Variants in TVP23A observed in about 807,000 individuals in gnomAD.
TVP23A encodes the protein Golgi apparatus membrane protein TVP23 homolog A.
In TVP23A, 21 loss-of-function variants were observed where a neutral mutation model predicts 31.7. The ratio of observed to expected loss-of-function variants is 0.66; its 90% CI spans 0.47 to 0.95. The LOEUF is 0.95. TVP23A is among the 40% of genes least tolerant of loss of function. The probability of loss-of-function intolerance (pLI) is 0.00; values close to 1 mark genes in which losing one functional copy is unlikely to be tolerated. For missense variants in TVP23A, 279 were observed against 255.6 expected (o/e 1.09, Z -0.62); for synonymous variants, 104 against 96.0 (o/e 1.08, Z -0.49).
At chr16:10,802,469 G>A (rs1253030154) in intron 2 of TVP23A, among the ~76,000 whole-genome samples, 4 of 151,914 alleles carry the variant, frequency 2.6e-5, no homozygotes, top group Admixed American at 1.3e-4. Context: ...TAGTAGAGAC[G>A]GGGTTTTGCC....
At chr16:10,811,876 C>T (rs2034217087) in intron 2 of TVP23A, among the ~76,000 whole-genome samples, 1 of 145,146 alleles carries the variant, frequency 6.9e-6, no homozygotes, top group Admixed American at 6.9e-5. Context: ...TGCACTCCAG[C>T]CTGGGGGACA....
At chr16:10,778,962 A>C (rs1483611660) in intron 2 of TVP23A, among the ~76,000 whole-genome samples, 1 of 152,204 alleles carries the variant, frequency 6.6e-6, no homozygotes, top group Non-Finnish European at 1.5e-5. Flanking sequence ...TCAAAACAAC[A>C]AAACATACAG....
rs1452973630 is a variant in TVP23A at position 10,768,140 on chromosome 16, C to A, written c.*962G>T. 4 of 962,168 alleles carry A rather than the reference C, an allele frequency of 4.2e-6. No homozygotes were observed. In the African/African-American group the frequency reaches 4.9e-5, roughly 12 times the overall value. The allele number at this position is 962,168 out of a possible 1,614,324, so 59.6% of individuals were successfully genotyped here. A position where few individuals can be genotyped will look rare whatever the true frequency, so the allele number is the denominator to read the frequency against. ...TGGGTGGTGGGGTCTGTGATGACCA[C>A]AGAGTGGCCCCCATAGCCGAGGAAG... is the stretch of plus-strand genomic sequence containing the variant. On this transcript the variant is annotated 3_prime_UTR_variant, in exon 8 of 8. Transcript: ENST00000299866. This position sits in a 1 kb window ranked among gnomAD's most constrained non-coding sequence, Gnocchi z 4.3.
downstream of TVP23A, chr16:10,757,858 G>C (rs763063179): frequency 4.4e-6 from 7 of 1,608,566 alleles, no homozygotes; most frequent in South Asian, 6.6e-5. The surrounding 1 kb of genome is among the most constrained non-coding windows in gnomAD (Gnocchi z 4.1). Flanking sequence ...ATCCCCTGTG[G>C]ATTCCTCTTT....
Position 10,780,267 on chromosome 16 carries a change from T to G in TVP23A, c.90-5171A>C, listed in dbSNP as rs186812394. On this transcript the variant is annotated intron_variant, in intron 2 of 7. Transcript: ENST00000299866. Reference sequence around the variant, plus strand: ...TGATTACCCTTATCTTGTCTCCTGCTAAATGATGGAGGTTTGGGGAGTCTC... The same window carrying G: ...TGATTACCCTTATCTTGTCTCCTGCGAAATGATGGAGGTTTGGGGAGTCTC... 4.3e-4 allele frequency among the ~76,000 whole-genome samples: 66 copies of G among 152,318 alleles called. 2 individuals carry two copies. Among genetic ancestry groups the G allele is most frequent in the African/African-American group, 1.5e-3 (61 of 41,560 alleles).
chr16:10,770,605 G>C (rs886974641), intron 6 of TVP23A, among the ~76,000 whole-genome samples: 13 of 151,342 alleles, frequency 8.6e-5, no homozygotes, highest in Middle Eastern at 3.4e-3. Flanking sequence ...GGGCACGGTA[G>C]CTCCCGCCTG....
chr16:10,773,475 A>G, intron 4 of TVP23A, 34 bp from the exon 5 acceptor site: 1 of 1,554,554 alleles, frequency 6.4e-7, no homozygotes, highest in Admixed American at 2.2e-5. Context: ...TGTCAAAACA[A>G]GTGGAAATGG....
At chr16:10,805,077 G>A (rs958672598) in intron 2 of TVP23A, among the ~76,000 whole-genome samples, 4 of 151,882 alleles carry the variant, frequency 2.6e-5, no homozygotes, top group Middle Eastern at 3.4e-3. Flanking sequence ...TCGCTCTGTC[G>A]CCCAGGCTGG....
intron 2 of TVP23A, chr16:10,808,621 A>T: frequency 2.2e-6 from 1 of 448,606 alleles, no homozygotes; most frequent in Admixed American, 2.4e-5. Flanking sequence ...AAAAAATAAA[A>T]ATAAAATTAG....
At chr16:10,793,722 C>T (rs940966056) in intron 2 of TVP23A, among the ~76,000 whole-genome samples, 9 of 151,324 alleles carry the variant, frequency 5.9e-5, no homozygotes, top group African/African-American at 2.2e-4. Flanking sequence ...TAGGGAGACC[C>T]TGTCTCTACA....
At chr16:10,799,598 C>T (rs1464648754) in intron 2 of TVP23A, among the ~76,000 whole-genome samples, 2 of 152,218 alleles carry the variant, frequency 1.3e-5, no homozygotes, top group East Asian at 1.9e-4. Flanking sequence ...CCTCCCAAAA[C>T]GCTGGAATTA....
chr16:10,800,858 G>A lies in TVP23A; in HGVS notation c.89+17245C>T, dbSNP rs181759751. 3.4e-3 allele frequency among the ~76,000 whole-genome samples: 519 copies of A among 152,182 alleles called. 1 individual carries two copies. The highest frequency in any genetic ancestry group is 0.012 in the African/African-American group (487 of 41,518). On this transcript the variant is annotated intron_variant, in intron 2 of 7. Coordinates refer to ENST00000299866, the MANE Select transcript of TVP23A (RefSeq NM_001079512.4). ...TTTAAAAACTTAGCCAGGCATGGTG[G>A]TGCACACCTGTGGTCTCAGCTATTT...
intron 2 of TVP23A, among the ~76,000 whole-genome samples, chr16:10,786,565 C>A (rs535280625): frequency 6.6e-6 from 1 of 152,254 alleles, no homozygotes; most frequent in African/African-American, 2.4e-5. Flanking sequence ...AACCTTCCTG[C>A]TTCTCAGTAT....
rs187525432 is a variant in TVP23A at position 10,802,950 on chromosome 16, T to C, written c.89+15153A>G. Among the ~76,000 whole-genome samples, 544 of 152,308 alleles carry C rather than the reference T, an allele frequency of 3.6e-3. 3 individuals are homozygous for C. The highest frequency in any genetic ancestry group is 0.013 in the African/African-American group (521 of 41,568). The stretch of plus-strand genomic sequence containing the variant: ...ATGGTCAACACATAAACGTTTTTAA[T>C]TGATTTTCAACACTGCTTAAGAAAC... On this transcript the variant is annotated intron_variant, in intron 2 of 7. Transcript: ENST00000299866.
At chr16:10,814,482 C>T (rs2034344279) in intron 2 of TVP23A, among the ~76,000 whole-genome samples, 1 of 152,144 alleles carries the variant, frequency 6.6e-6, no homozygotes, top group Admixed American at 6.6e-5. Flanking sequence ...ACATCTTGAC[C>T]ACCAGCAAGG....
intron 2 of TVP23A, among the ~76,000 whole-genome samples, chr16:10,804,407 A>G (rs2033848315): frequency 6.6e-6 from 1 of 152,094 alleles, no homozygotes; most frequent in Admixed American, 6.6e-5. Context: ...CCCACAGGCA[A>G]CTCCTGGCAA....
At position 10,818,512 on chromosome 16, in the gene TVP23A, C is replaced by A; in HGVS notation, c.-19G>T. The A allele has an allele frequency of 6.2e-7, 1 of 1,602,382 alleles. No homozygotes were observed. Among genetic ancestry groups the A allele is most frequent in the African/African-American group, 1.3e-5 (1 of 74,840 alleles). ...GCTTCATCACCCTCCCAGGAGCCCA[C>A]CTGGCGCCCAGGCCCGGGGCTCCAG... On this transcript the variant is annotated 5_prime_UTR_variant, in exon 1 of 8. Coordinates refer to ENST00000299866, the MANE Select transcript of TVP23A (RefSeq NM_001079512.4). The surrounding 1 kb of genome is among the most constrained non-coding windows in gnomAD (Gnocchi z 4.7).
At chr16:10,770,393 G>T in intron 6 of TVP23A, 62 bp from the exon 7 acceptor site, 1 of 1,512,380 alleles carries the variant, frequency 6.6e-7, no homozygotes, top group South Asian at 1.3e-5. Context: ...CGATCCTGCT[G>T]ATGGAAGGCC....
intron 2 of TVP23A, among the ~76,000 whole-genome samples, chr16:10,787,798 ATCT>A (rs1216825041): frequency 6.6e-6 from 1 of 151,892 alleles, no homozygotes; most frequent in Non-Finnish European, 1.5e-5. Flanking sequence ...AGTGTCCGTG[ATCT>A]TCTTGGCATG....
Sources: gnomAD v4.1 joint callset for allele counts (sites outside exome capture counted in the v4.1 genomes callset) on GRCh38, gnomAD v4.1.1 for gene constraint, Gnocchi (gnomAD v3.1) non-coding constraint, MANE v1.5 for transcripts, NCBI Gene and HGNC (gene_info 2026-07-23, HGNC 2026-07-21) for gene names.